The following HNF1B variants were observed in gnomAD, a reference collection of about 807,000 sequenced individuals.
The protein encoded by HNF1B is HNF1 homeobox B.
A neutral mutation model predicts 61.7 loss-of-function variants in HNF1B; 8 were observed. That is an observed-to-expected ratio of 0.13 (90% CI 0.08 to 0.23). The LOEUF (loss-of-function observed/expected upper bound fraction) is 0.23. Ranked by LOEUF, HNF1B falls within the 10% of genes least tolerant of loss-of-function variation. The pLI, the probability that HNF1B is intolerant of heterozygous loss-of-function variation, is 1.00. For missense variants in HNF1B, 562 were observed against 714.5 expected (o/e 0.79, Z 2.43); for synonymous variants, 314 against 287.7 (o/e 1.09, Z -0.93).
chr17:37,696,429 C>G lies in HNF1B; in HGVS notation c.1653+2647G>C, dbSNP rs138505785. 4.8e-3 allele frequency among the ~76,000 whole-genome samples: 726 copies of G among 152,182 alleles called. 2 individuals carry two copies. Among genetic ancestry groups the G allele is most frequent in the Non-Finnish European group, 7.7e-3 (524 of 68,006 alleles). On this transcript the variant is annotated intron_variant, in intron 8 of 8. Transcript: ENST00000617811. Reference sequence around the variant, plus strand: ...TCCAGCCTGGGTGACAGAACGGGACCCTGTCTCAAAACATAAAAATATAAA... The same window carrying G: ...TCCAGCCTGGGTGACAGAACGGGACGCTGTCTCAAAACATAAAAATATAAA...
Position 37,744,919 on chromosome 17 carries a change from T to TGGTGGGGGGGGGGGGGGG in HNF1B, c.-36_-35insCCCCCCCCCCCCCCCACC. 5.3e-6 allele frequency: 2 copies of TGGTGGGGGGGGGGGGGGG among 378,266 alleles called. No individual in the cohort carries two copies. The highest frequency in any genetic ancestry group is 1.0e-5 in the Non-Finnish European group (2 of 197,306). The allele number at this position is 378,266 out of a possible 1,614,324, so 23.4% of individuals were successfully genotyped here. A position where few individuals can be genotyped will look rare whatever the true frequency, so the allele number is the denominator to read the frequency against. On this transcript the variant is annotated 5_prime_UTR_variant, in exon 1 of 9. Transcript: ENST00000617811. ...ACGGAAAAAGAAGGGGGTGAGGGGG[T>TGGTGGGGGGGGGGGGGGG]GGGTGGGTGCGAGAGAGGAGGGTGG...
At chr17:37,721,541 C>G (rs536849674) in intron 4 of HNF1B, among the ~76,000 whole-genome samples, 2 of 152,216 alleles carry the variant, frequency 1.3e-5, no homozygotes, top group South Asian at 4.2e-4. Context: ...CCCAAGGTCA[C>G]CCTTGCTCAT....
intron 4 of HNF1B, among the ~76,000 whole-genome samples, chr17:37,715,464 A>G (rs969000440): frequency 1.3e-5 from 2 of 152,222 alleles, no homozygotes; most frequent in African/African-American, 4.8e-5. Flanking sequence ...GGATAATTTG[A>G]GTGTAATGTC....
intron 4 of HNF1B, among the ~76,000 whole-genome samples, chr17:37,726,141 T>TGTAC (rs1292171312): frequency 2.0e-5 from 3 of 151,744 alleles, no homozygotes; most frequent in African/African-American, 7.3e-5. Flanking sequence ...GGGGGCTGTG[T>TGTAC]GTGTGTGTGT....
chr17:37,688,354 T>C (rs1237011652), intron 8 of HNF1B, among the ~76,000 whole-genome samples: 3 of 150,274 alleles, frequency 2.0e-5, no homozygotes, highest in Non-Finnish European at 4.4e-5. Flanking sequence ...TTTGACTTAG[T>C]GGCTTATTCT....
At chr17:37,742,733 G>T (rs1479625877) in intron 1 of HNF1B, among the ~76,000 whole-genome samples, 1 of 151,686 alleles carries the variant, frequency 6.6e-6, no homozygotes, top group South Asian at 2.1e-4. Context: ...ACCCTGGGCC[G>T]GGCCTGGCTC....
intron 4 of HNF1B, among the ~76,000 whole-genome samples, chr17:37,711,026 T>G (rs3110648): frequency 0.13 from 19,494 of 152,290 alleles, 1,617 homozygotes; most frequent in Non-Finnish European, 0.19. Flanking sequence ...ATTTGGGGGT[T>G]GAGACTAGCC....
chr17:37,700,554 T>G (rs766481190), intron 7 of HNF1B, among the ~76,000 whole-genome samples: 2 of 152,222 alleles, frequency 1.3e-5, no homozygotes, highest in Non-Finnish European at 2.9e-5. Flanking sequence ...GCAAACAGGA[T>G]GCAAATTAGA....
intron 8 of HNF1B, among the ~76,000 whole-genome samples, chr17:37,688,458 C>T (rs748436648): frequency 1.5e-4 from 23 of 151,286 alleles, no homozygotes; most frequent in Non-Finnish European, 2.9e-4. Flanking sequence ...CCACTGTTAT[C>T]GCATTGATCA....
Position 37,744,649 on chromosome 17 carries a change from C to G in HNF1B, c.236G>C (p.Gly79Ala), listed in dbSNP as rs759636901. The G allele has an allele frequency of 6.2e-7, 1 of 1,612,742 alleles. No individual in the cohort carries two copies. The highest frequency in any genetic ancestry group is 1.3e-5 in the African/African-American group (1 of 74,958). Residue 79 changes from glycine (G) to alanine (A), a missense_variant, in exon 1 of 9, where the codon GGC becomes GCC. Physicochemically the swap from Gly to Ala is moderately conservative, Grantham distance 60. Transcript: ENST00000617811. ...HAKGRLSGDE[G>A]SEDGDDYDTP... ...GTCATAGTCGTCGCCGTCCTCGGAG[C>G]CCTCGTCGCCGGACAAGCGGCCCTT...
At chr17:37,743,977 C>A (rs571026087) in intron 1 of HNF1B, among the ~76,000 whole-genome samples, 1 of 152,380 alleles carries the variant, frequency 6.6e-6, no homozygotes, top group East Asian at 1.9e-4. Context: ...AATTCCGGGC[C>A]TTGCATGGGC....
chr17:37,710,804 C>A, intron 4 of HNF1B, 141 bp from the exon 5 acceptor site: 2 of 810,220 alleles, frequency 2.5e-6, no homozygotes, highest in Non-Finnish European at 4.1e-6. Context: ...CAAGAAATAT[C>A]GGCTGCTTTT....
intron 2 of HNF1B, 52 bp from the exon 3 acceptor site, chr17:37,733,873 GACA>G: frequency 1.6e-6 from 1 of 615,940 alleles, no homozygotes; most frequent in Non-Finnish European, 2.3e-6. Flanking sequence ...TCACTCAGCA[GACA>G]GACAGACAGA....
At chr17:37,696,950 G>A (rs944733299) in intron 8 of HNF1B, among the ~76,000 whole-genome samples, 8 of 152,120 alleles carry the variant, frequency 5.3e-5, no homozygotes, top group Admixed American at 1.3e-4. Flanking sequence ...TTGGAAGAAC[G>A]TTTCCTGAGT....
intron 5 of HNF1B, 123 bp downstream of exon 5, chr17:37,710,380 G>T: frequency 1.6e-6 from 2 of 1,279,856 alleles, no homozygotes; most frequent in Non-Finnish European, 2.3e-6. Flanking sequence ...ACTCTGGACA[G>T]CCCTCATTTT....
intron 4 of HNF1B, chr17:37,731,318 G>A: frequency 1.7e-6 from 1 of 585,432 alleles, no homozygotes; most frequent in South Asian, 2.0e-5. Context: ...TGAGTCAGCA[G>A]CCACACAGGG....
At chr17:37,689,445 G>A (rs1004748148) in intron 8 of HNF1B, among the ~76,000 whole-genome samples, 1 of 152,234 alleles carries the variant, frequency 6.6e-6, no homozygotes, top group Non-Finnish European at 1.5e-5. Context: ...TCTATGGCCT[G>A]TCATTAGGGA....
At chr17:37,718,521 A>G (rs1170267343) in intron 4 of HNF1B, among the ~76,000 whole-genome samples, 1 of 152,200 alleles carries the variant, frequency 6.6e-6, no homozygotes, top group Non-Finnish European at 1.5e-5. Flanking sequence ...CAGAGAGGAC[A>G]AGGTTGTTTG....
Position 37,705,060 on chromosome 17 carries a change from GA to G in HNF1B, c.1207-12del, listed in dbSNP as rs2032698462. The stretch of plus-strand genomic sequence containing the variant: ...TCCTGAGACTGAGATCTGATGGAGA[GA>G]AAAAAACAAGAGAAACATGGGTGGA... On this transcript the variant is annotated splice_polypyrimidine_tract_variant and intron_variant, in intron 5 of 8. Coordinates refer to ENST00000617811, the MANE Select transcript of HNF1B (RefSeq NM_000458.4). 1.2e-6 allele frequency: 2 copies of G among 1,612,474 alleles called. No individual in the cohort carries two copies. The highest frequency in any genetic ancestry group is 1.7e-6 in the Non-Finnish European group (2 of 1,179,082).
Sources: allele counts gnomAD v4.1 joint callset (sites outside exome capture counted in the v4.1 genomes callset), GRCh38; gene constraint gnomAD v4.1.1; transcripts MANE v1.5; gene names NCBI Gene and HGNC (gene_info 2026-07-23, HGNC 2026-07-21).